Variants in AGTPBP1 observed in about 807,000 individuals in gnomAD.
AGTPBP1 encodes the protein ATP/GTP binding carboxypeptidase 1, also known as cytosolic carboxypeptidase 1.
Under a neutral mutation model 143.9 loss-of-function variants are expected in AGTPBP1, and 70 were observed. The observed-to-expected ratio is 0.49, with a 90% CI of 0.40 to 0.59. The LOEUF (loss-of-function observed/expected upper bound fraction) is 0.59. Ranked by LOEUF, AGTPBP1 falls within the 20% of genes least tolerant of loss-of-function variation. AGTPBP1 has a pLI of 0.00. For missense variants in AGTPBP1, 1,229 were observed against 1,464.5 expected (o/e 0.84, Z 2.62); for synonymous variants, 463 against 500.2 (o/e 0.93, Z 0.99).
chr9:85,628,426 T>A (rs2133651689), intron 14 of AGTPBP1, among the ~76,000 whole-genome samples: 1 of 152,294 alleles, frequency 6.6e-6, no homozygotes, highest in East Asian at 1.9e-4. Flanking sequence ...TCAAACTTGG[T>A]AAGAGTCACC....
the AGTPBP1 span, among the ~76,000 whole-genome samples, chr9:85,767,621 C>G: frequency 1.3e-5 from 2 of 152,110 alleles, no homozygotes; most frequent in Non-Finnish European, 2.9e-5. Flanking sequence ...GCTGGGATTA[C>G]AGGCGTAAGC....
the AGTPBP1 span, among the ~76,000 whole-genome samples, chr9:85,759,977 A>G: frequency 6.6e-6 from 1 of 152,294 alleles, no homozygotes; most frequent in South Asian, 2.1e-4. Flanking sequence ...ACCATCAGAG[A>G]ATACTATAAA....
chr9:85,549,940 C>T (rs1232062650), intron 25 of AGTPBP1, among the ~76,000 whole-genome samples: 4 of 152,170 alleles, frequency 2.6e-5, no homozygotes, highest in Admixed American at 2.0e-4. Flanking sequence ...CCTCTGATTC[C>T]ACTCCTATAA....
chr9:85,706,149 A>AG (rs1410219972), intron 2 of AGTPBP1, among the ~76,000 whole-genome samples: 1 of 152,142 alleles, frequency 6.6e-6, no homozygotes, highest in African/African-American at 2.4e-5. Context: ...AAATGGAAAC[A>AG]GGAAGAAATA....
At chr9:85,660,144 C>T (rs1833765948) in intron 9 of AGTPBP1, among the ~76,000 whole-genome samples, 1 of 151,714 alleles carries the variant, frequency 6.6e-6, no homozygotes, top group Non-Finnish European at 1.5e-5. Flanking sequence ...TCACCCCTGA[C>T]AGACAGTTCT....
chr9:85,741,844 C>T lies in AGTPBP1; in HGVS notation c.-103G>A, dbSNP rs1824322534. 2.9e-6 allele frequency: 4 copies of T among 1,401,610 alleles called. No individual in the cohort carries two copies. The highest frequency in any genetic ancestry group is 3.0e-5 in the African/African-American group (2 of 66,494). The allele number at this position is 1,401,610 out of a possible 1,614,324, so 86.8% of individuals were successfully genotyped here. A position where few individuals can be genotyped will look rare whatever the true frequency, so the allele number is the denominator to read the frequency against. On this transcript the variant is annotated 5_prime_UTR_variant, in exon 1 of 26. Transcript: ENST00000357081. ...ACCCGGCTCAGCACCTGGATCACGG[C>T]GGATCCCTCGCCGCCCGCCGCCCGG...
intron 1 of AGTPBP1, among the ~76,000 whole-genome samples, chr9:85,738,121 T>C (rs1404642164): frequency 6.6e-6 from 1 of 152,232 alleles, no homozygotes; most frequent in Non-Finnish European, 1.5e-5. Flanking sequence ...GAGTTTATAA[T>C]TGTCATTTTA....
intron 19 of AGTPBP1, among the ~76,000 whole-genome samples, chr9:85,591,912 C>T (rs1828992723): frequency 6.6e-6 from 1 of 151,922 alleles, no homozygotes; most frequent in East Asian, 1.9e-4. Flanking sequence ...CTACCACAGT[C>T]GATATTTAAT....
intron 17 of AGTPBP1, among the ~76,000 whole-genome samples, chr9:85,614,050 A>C (rs1830471188): frequency 6.6e-6 from 1 of 152,104 alleles, no homozygotes; most frequent in Non-Finnish European, 1.5e-5. Flanking sequence ...TTTTAAAAAA[A>C]GAAATTCTTT....
chr9:85,629,857 TAA>T (rs1205859904), intron 14 of AGTPBP1, among the ~76,000 whole-genome samples: 1 of 152,090 alleles, frequency 6.6e-6, no homozygotes, highest in Non-Finnish European at 1.5e-5. Flanking sequence ...TTTCATAATA[TAA>T]AGTCCATGAG....
At chr9:85,719,158 T>C (rs1276544980) in intron 1 of AGTPBP1, among the ~76,000 whole-genome samples, 1 of 152,156 alleles carries the variant, frequency 6.6e-6, no homozygotes, top group African/African-American at 2.4e-5. Flanking sequence ...GCGGGCTTTT[T>C]GGTTCCATAT....
chr9:85,763,174 CA>C, the AGTPBP1 span, among the ~76,000 whole-genome samples: 2 of 151,352 alleles, frequency 1.3e-5, no homozygotes, highest in African/African-American at 4.9e-5. Context: ...GGCAAAAAAA[CA>C]AAAAACAAAC....
rs117449918 is a variant in AGTPBP1, at chr9:85,589,057, G to T, written c.2722+471C>A. 7.4e-4 allele frequency among the ~76,000 whole-genome samples: 113 copies of T among 152,036 alleles called. 1 individual carries two copies. The East Asian group carries it at 0.02, about 26-fold the overall frequency. On this transcript the variant is annotated intron_variant, in intron 20 of 25. Transcript: ENST00000357081. Reference sequence around the variant, plus strand: ...AATACTTCGCCTTCTTATCAAAATTGAAAGTTTTATTTTTATTACTACAGT... The same window carrying T: ...AATACTTCGCCTTCTTATCAAAATTTAAAGTTTTATTTTTATTACTACAGT...
intron 22 of AGTPBP1, among the ~76,000 whole-genome samples, chr9:85,586,217 A>G (rs374521412): frequency 3.3e-5 from 5 of 152,070 alleles, no homozygotes; most frequent in South Asian, 4.1e-4. Flanking sequence ...AAAAAAAAAA[A>G]AAAATTAAAA....
the AGTPBP1 span, among the ~76,000 whole-genome samples, chr9:85,757,563 G>C: frequency 1.3e-3 from 200 of 152,054 alleles, no homozygotes; most frequent in Non-Finnish European, 1.7e-3. Flanking sequence ...ATGCTGCATT[G>C]CAAGTACCTA....
chr9:85,725,855 G>A (rs573090028), intron 1 of AGTPBP1, among the ~76,000 whole-genome samples: 1 of 151,982 alleles, frequency 6.6e-6, no homozygotes, highest in Non-Finnish European at 1.5e-5. Context: ...AGACCAGCCT[G>A]GCCAACATGG....
the AGTPBP1 span, chr9:85,791,411 A>G: frequency 6.6e-6 from 1 of 152,098 alleles, no homozygotes; most frequent in African/African-American, 2.4e-5. Context: ...CTGAAGTGTC[A>G]TATTTTTAAA....
At chr9:85,774,924 G>A in the AGTPBP1 span, among the ~76,000 whole-genome samples, 2 of 152,150 alleles carry the variant, frequency 1.3e-5, no homozygotes, top group Admixed American at 6.5e-5. Context: ...CCTTACCTTA[G>A]TTTGGTTCCG....
At chr9:85,680,897 T>C (rs903162627) in intron 4 of AGTPBP1, among the ~76,000 whole-genome samples, 3 of 152,216 alleles carry the variant, frequency 2.0e-5, no homozygotes, top group Non-Finnish European at 2.9e-5. Flanking sequence ...CAATAAACGA[T>C]AATTTTCATT....
Sources: allele counts gnomAD v4.1 joint callset (sites outside exome capture counted in the v4.1 genomes callset), GRCh38; gene constraint gnomAD v4.1.1; transcripts MANE v1.5; gene names NCBI Gene and HGNC (gene_info 2026-07-23, HGNC 2026-07-21).